DYM: variants seen among roughly 807,000 people sequenced by gnomAD.
The protein encoded by DYM is dymeclin.
DYM carries 78 observed loss-of-function variants against 93.1 expected under a neutral mutation model. The ratio of observed to expected loss-of-function variants is 0.84; its 90% CI spans 0.70 to 1.01. The LOEUF is 1.01. DYM is among the 50% of genes least tolerant of loss of function. The pLI is 0.00. For synonymous variants in DYM, 321 were observed against 319.7 expected (o/e 1.00, Z -0.04); for missense variants, 789 against 845.0 (o/e 0.93, Z 0.82).
chr18:49,310,893 A>T (rs1202199893), intron 8 of DYM, among the ~76,000 whole-genome samples: 1 of 152,250 alleles, frequency 6.6e-6, no homozygotes, highest in Non-Finnish European at 1.5e-5. Context: ...CCAACTAAAA[A>T]ATTACAAAGA....
At chr18:49,433,978 G>C (rs1418828000) in intron 1 of DYM, among the ~76,000 whole-genome samples, 1 of 152,192 alleles carries the variant, frequency 6.6e-6, no homozygotes, top group South Asian at 2.1e-4. Context: ...GAGAGGCCAA[G>C]GCGGATGGGT....
At chr18:49,249,661 G>C (rs981717307) in intron 13 of DYM, among the ~76,000 whole-genome samples, 1 of 151,694 alleles carries the variant, frequency 6.6e-6, no homozygotes. Context: ...CTTCTGTTTT[G>C]TAGTCTTCAA....
intron 5 of DYM, among the ~76,000 whole-genome samples, chr18:49,366,764 C>T (rs138961467): frequency 1.3e-5 from 2 of 152,064 alleles, no homozygotes; most frequent in Admixed American, 6.5e-5. Context: ...AGTACTCTAC[C>T]CTTTGACAGG....
chr18:49,412,297 A>G (rs1367032988), intron 2 of DYM, among the ~76,000 whole-genome samples: 4 of 151,830 alleles, frequency 2.6e-5, no homozygotes, highest in South Asian at 2.1e-4. Context: ...TCAAGGGTGC[A>G]CCTGCAGTAA....
At chr18:49,311,151 G>C (rs546490792) in intron 8 of DYM, among the ~76,000 whole-genome samples, 1 of 152,292 alleles carries the variant, frequency 6.6e-6, no homozygotes, top group Non-Finnish European at 1.5e-5. Context: ...GGGACAACAG[G>C]ACCGAAGCCA....
At chr18:49,137,560 C>A (rs1424217563) in intron 15 of DYM, among the ~76,000 whole-genome samples, 3 of 152,164 alleles carry the variant, frequency 2.0e-5, no homozygotes, top group African/African-American at 7.2e-5. Context: ...TCTAGAAACC[C>A]TGCCATCCCC....
chr18:49,325,450 G>A (rs981221061), intron 8 of DYM, among the ~76,000 whole-genome samples: 6 of 152,132 alleles, frequency 3.9e-5, no homozygotes, highest in African/African-American at 1.4e-4. Context: ...ATGGTACCAA[G>A]GACACAATCC....
intron 2 of DYM, among the ~76,000 whole-genome samples, chr18:49,429,074 G>C (rs1001963776): frequency 6.6e-6 from 1 of 152,168 alleles, no homozygotes; most frequent in Non-Finnish European, 1.5e-5. Flanking sequence ...GCCTCTGCCA[G>C]CTTCTAGAAG....
chr18:49,406,595 T>C (rs564621709), intron 2 of DYM, among the ~76,000 whole-genome samples: 17 of 152,252 alleles, frequency 1.1e-4, no homozygotes, highest in Admixed American at 5.9e-4. Context: ...AAAGTGGCTA[T>C]TACTTTTTAT....
At chr18:49,356,942 T>C (rs1387613825) in intron 6 of DYM, among the ~76,000 whole-genome samples, 3 of 152,200 alleles carry the variant, frequency 2.0e-5, no homozygotes, top group Non-Finnish European at 4.4e-5. Flanking sequence ...TATTCTTTTT[T>C]ATATCTCAAT....
chr18:49,255,857 G>C (rs2094383605), intron 13 of DYM, among the ~76,000 whole-genome samples: 1 of 151,902 alleles, frequency 6.6e-6, no homozygotes, highest in South Asian at 2.1e-4. Flanking sequence ...CTTATGACTG[G>C]TTAGTTAGCT....
chr18:49,408,318 C>G (rs2071765527), intron 2 of DYM, among the ~76,000 whole-genome samples: 1 of 152,156 alleles, frequency 6.6e-6, no homozygotes, highest in Non-Finnish European at 1.5e-5. Context: ...TGTAGCCGAT[C>G]TTACTGGTGG....
intron 17 of DYM, among the ~76,000 whole-genome samples, chr18:49,084,100 C>G (rs2078285805): frequency 1.3e-5 from 2 of 152,090 alleles, no homozygotes; most frequent in East Asian, 1.9e-4. Flanking sequence ...TTCTTTTATT[C>G]TAATGTAGGA....
chr18:49,422,090 T>G (rs2073777782), intron 2 of DYM, among the ~76,000 whole-genome samples: 2 of 152,194 alleles, frequency 1.3e-5, no homozygotes, highest in Non-Finnish European at 2.9e-5. Context: ...TGCAGGATAT[T>G]ATCCAGGAGA....
intron 15 of DYM, among the ~76,000 whole-genome samples, chr18:49,153,828 C>T (rs2086086808): frequency 6.6e-6 from 1 of 152,114 alleles, no homozygotes; most frequent in African/African-American, 2.4e-5. Context: ...CAGTGGATTT[C>T]AAAATTTGTG....
intron 15 of DYM, among the ~76,000 whole-genome samples, chr18:49,152,867 A>T (rs368929576): frequency 4.6e-5 from 7 of 152,202 alleles, no homozygotes; most frequent in Admixed American, 1.3e-4. Context: ...TGAGACAGAG[A>T]CAAAAAGGGA....
intron 15 of DYM, among the ~76,000 whole-genome samples, chr18:49,127,918 C>T (rs2082974820): frequency 6.6e-6 from 1 of 152,192 alleles, no homozygotes; most frequent in Non-Finnish European, 1.5e-5. Flanking sequence ...ACAGCAGTCA[C>T]CGCACCACTG....
At chr18:49,147,776 T>A (rs555108331) in intron 15 of DYM, among the ~76,000 whole-genome samples, 104 of 152,226 alleles carry the variant, frequency 6.8e-4, no homozygotes, top group African/African-American at 2.1e-3. Context: ...ATTGTGGAAG[T>A]CAGTGTGGCG....
At position 49,363,601 on chromosome 18, in the gene DYM, G is replaced by C. The variant is rs1221834560; in HGVS notation, c.422-368C>G. Among the ~76,000 whole-genome samples the C allele has an allele frequency of 2.6e-5, 4 of 152,284 alleles. No homozygotes were observed. The East Asian group carries it at 7.7e-4, about 29-fold the overall frequency. On this transcript the variant is annotated intron_variant, in intron 5 of 17. Transcript: ENST00000675505. ...AAAATCAAGCTGCTCTCACTGCTTT[G>C]TTTGAAGCAGGGGTAGAGGACTTTT...
Sources: gnomAD v4.1 joint callset for allele counts (sites outside exome capture counted in the v4.1 genomes callset) on GRCh38, gnomAD v4.1.1 for gene constraint, MANE v1.5 for transcripts, NCBI Gene and HGNC (gene_info 2026-07-23, HGNC 2026-07-21) for gene names.